The following CAGE1 variants were observed in gnomAD, a reference collection of about 807,000 sequenced individuals.
The protein encoded by CAGE1 is cancer antigen 1.
CAGE1 carries 66 observed loss-of-function variants against 94.9 expected under a neutral mutation model. The ratio of observed to expected loss-of-function variants is 0.70; its 90% CI spans 0.57 to 0.85. CAGE1 has a LOEUF of 0.85. CAGE1 is among the 40% of genes least tolerant of loss of function. The pLI is 0.00. For synonymous variants in CAGE1, 319 were observed against 321.0 expected (o/e 0.99, Z 0.07); for missense variants, 865 against 950.4 (o/e 0.91, Z 1.18).
intron 3 of CAGE1, among the ~76,000 whole-genome samples, chr6:7,382,984 C>T (rs62386164): frequency 0.35 from 53,179 of 152,010 alleles, 9,495 homozygotes; most frequent in East Asian, 0.44. Context: ...TGTTCCCACC[C>T]AAATCTCATC....
Position 7,389,351 on chromosome 6 carries a change from G to C in CAGE1, c.-173C>G, listed in dbSNP as rs1432518495. On this transcript the variant is annotated 5_prime_UTR_variant, in exon 1 of 14. Coordinates refer to ENST00000502583, the MANE Select transcript of CAGE1 (RefSeq NM_001170692.2). ...TCTCCCTCCCTCTGCACCGGGTTTT[G>C]TGGGAGGGAGAACGCTTTCCAACCT... 6 of 456,086 alleles carry C rather than the reference G, an allele frequency of 1.3e-5. No homozygotes were observed. Among genetic ancestry groups the C allele is most frequent in the Non-Finnish European group, 1.3e-5 (3 of 226,884 alleles). 28.3% of individuals were successfully genotyped at this position (456,086 alleles called of 1,614,324 possible). A position where few individuals can be genotyped will look rare whatever the true frequency, so the allele number is the denominator to read the frequency against.
chr6:7,376,434 A>AAAT (rs1305023754), intron 4 of CAGE1, among the ~76,000 whole-genome samples: 3 of 146,012 alleles, frequency 2.1e-5, no homozygotes, highest in Admixed American at 7.0e-5. Context: ...ATAAATAAAT[A>AAAT]AAATAAAAGT....
intron 11 of CAGE1, among the ~76,000 whole-genome samples, chr6:7,354,295 T>G (rs1759879626): frequency 6.6e-6 from 1 of 152,100 alleles, no homozygotes; most frequent in African/African-American, 2.4e-5. Flanking sequence ...CAACATCCTC[T>G]CCCCTCTTCA....
In CAGE1 at chr6:7,371,329, A is replaced by AT. The variant is rs547410613; in HGVS notation, c.1747-1265dup. On this transcript the variant is annotated intron_variant, in intron 5 of 13. Transcript: ENST00000502583. ...ATAATCCTTTTTTCTTAGATCTTAG[A>AT]TTTTTTTTTTAATTTAGGAAAAGAA... Among the ~76,000 whole-genome samples, 1,267 of 150,734 alleles carry AT rather than the reference A, an allele frequency of 8.4e-3. 5 individuals are homozygous for AT. Among genetic ancestry groups the AT allele is most frequent in the Middle Eastern group, 0.02 (6 of 294 alleles).
chr6:7,345,251 T>G (rs904195737), intron 11 of CAGE1, among the ~76,000 whole-genome samples: 6 of 152,142 alleles, frequency 3.9e-5, no homozygotes, highest in Non-Finnish European at 8.8e-5. Flanking sequence ...AAGGAACAAC[T>G]CCAGACACGC....
At chr6:7,387,231 AAC>A in intron 1 of CAGE1, 35 bp from the exon 2 acceptor site, 3 of 1,282,526 alleles carry the variant, frequency 2.3e-6, no homozygotes, top group Non-Finnish European at 3.2e-6. Context: ...AGTAGGTATA[AAC>A]AAAAAGTTTT....
intron 11 of CAGE1, among the ~76,000 whole-genome samples, chr6:7,343,144 G>A (rs1759249326): frequency 6.9e-6 from 1 of 145,262 alleles, no homozygotes. Flanking sequence ...GGCTGAGATG[G>A]CACCACTGCA....
intron 12 of CAGE1, chr6:7,331,268 A>G: frequency 1.4e-6 from 1 of 710,490 alleles, no homozygotes; most frequent in Non-Finnish European, 2.2e-6. Flanking sequence ...GACTGCCAAC[A>G]TGTCAAGCAG....
At chr6:7,354,913 G>A (rs896701095) in intron 11 of CAGE1, 128 bp downstream of exon 11, 2 of 622,544 alleles carry the variant, frequency 3.2e-6, no homozygotes, top group Non-Finnish European at 5.5e-6. Flanking sequence ...TATTAATAAA[G>A]AATGAACTTA....
At chr6:7,334,999 A>G (rs1382100318) in intron 11 of CAGE1, among the ~76,000 whole-genome samples, 1 of 152,082 alleles carries the variant, frequency 6.6e-6, no homozygotes, top group African/African-American at 2.4e-5. Flanking sequence ...AGGGATGTCC[A>G]CCCTCTAGAA....
intron 3 of CAGE1, among the ~76,000 whole-genome samples, chr6:7,383,295 C>T (rs1561868617): frequency 6.6e-6 from 1 of 152,210 alleles, no homozygotes; most frequent in Non-Finnish European, 1.5e-5. Context: ...AGTGTGAAAA[C>T]AGACTAATAC....
chr6:7,377,607 C>T (rs1760798686), intron 4 of CAGE1, among the ~76,000 whole-genome samples: 3 of 152,044 alleles, frequency 2.0e-5, no homozygotes, highest in Admixed American at 2.0e-4. Flanking sequence ...TGTGGTGGCA[C>T]ACGCTTATAA....
At chr6:7,357,868 A>G (rs1561857940) in intron 9 of CAGE1, among the ~76,000 whole-genome samples, 1 of 151,008 alleles carries the variant, frequency 6.6e-6, no homozygotes, top group Non-Finnish European at 1.5e-5. Context: ...ATCTCTGCTC[A>G]CTGCAACCTC....
At chr6:7,380,795 T>C (rs904455507) in intron 3 of CAGE1, among the ~76,000 whole-genome samples, 1 of 152,190 alleles carries the variant, frequency 6.6e-6, no homozygotes, top group Non-Finnish European at 1.5e-5. Context: ...AAAACAGCAC[T>C]GCAGTGAACA....
intron 3 of CAGE1, among the ~76,000 whole-genome samples, chr6:7,380,498 G>A (rs187939908): frequency 1.1e-3 from 170 of 152,092 alleles, no homozygotes; most frequent in African/African-American, 3.9e-3. Context: ...TTAGTGGGGC[G>A]TGGTGGTGCA....
intron 9 of CAGE1, 150 bp downstream of exon 9, chr6:7,365,318 A>G (rs1196968318): frequency 3.2e-6 from 2 of 616,174 alleles, no homozygotes; most frequent in East Asian, 2.8e-5. Flanking sequence ...CTTCGATTCT[A>G]TATTATTGTG....
At chr6:7,345,340 G>T (rs9766750) in intron 11 of CAGE1, among the ~76,000 whole-genome samples, 7,778 of 148,538 alleles carry the variant, frequency 0.052, 343 homozygotes, top group African/African-American at 0.13. Flanking sequence ...AACCCAGCAG[G>T]ATGAAAGAAA....
rs777737725 is a variant in CAGE1 at position 7,326,870 on chromosome 6, A to G, written c.2508T>C (p.Asn836=). The change falls in exon 14 of 14, where the codon AAT becomes AAC. Residue 836 remains asparagine, a synonymous_variant. Coordinates refer to ENST00000502583, the MANE Select transcript of CAGE1 (RefSeq NM_001170692.2). ...TCTTCAGGCTTGTTTAATCTAAATC[A>G]TTTCTATTTTCTTTAAAAAGAGCTG... ...MMPALFKENR[N]DLD is the part of the protein sequence containing the mutation. 6.3e-7 allele frequency: 1 copy of G among 1,580,808 alleles called. No homozygotes were observed. Among genetic ancestry groups the G allele is most frequent in the Non-Finnish European group, 8.7e-7 (1 of 1,150,244 alleles).
At chr6:7,364,948 ATGT>A (rs1212005671) in intron 9 of CAGE1, among the ~76,000 whole-genome samples, 1 of 152,226 alleles carries the variant, frequency 6.6e-6, no homozygotes, top group Admixed American at 6.5e-5. Flanking sequence ...AAAATTCATT[ATGT>A]TAATTAGTCG....
Sources: allele counts gnomAD v4.1 joint callset (sites outside exome capture counted in the v4.1 genomes callset), GRCh38; gene constraint gnomAD v4.1.1; transcripts MANE v1.5; gene names NCBI Gene and HGNC (gene_info 2026-07-23, HGNC 2026-07-21).